Variants in SAMSN1 observed in about 807,000 individuals in gnomAD.
The protein encoded by SAMSN1 is SAM domain-containing protein SAMSN-1.
Under a neutral mutation model 42.0 loss-of-function variants are expected in SAMSN1, and 31 were observed. The observed-to-expected ratio is 0.74, with a 90% CI of 0.55 to 1.00. The LOEUF is 1.00. SAMSN1 is among the 50% of genes least tolerant of loss of function. The probability of loss-of-function intolerance (pLI) is 0.00; values close to 1 mark genes in which losing one functional copy is unlikely to be tolerated. For missense variants in SAMSN1, 464 were observed against 439.4 expected (o/e 1.06, Z -0.50); for synonymous variants, 178 against 151.9 (o/e 1.17, Z -1.26).
At chr21:14,629,666 C>T (rs972745259) in intron 2 of SAMSN1, among the ~76,000 whole-genome samples, 3 of 152,152 alleles carry the variant, frequency 2.0e-5, no homozygotes, top group Admixed American at 2.0e-4. Flanking sequence ...CTTATAGCGC[C>T]TGGAGAATGC....
chr21:14,524,231 G>T (rs560162564), intron 1 of SAMSN1, among the ~76,000 whole-genome samples: 27 of 152,208 alleles, frequency 1.8e-4, no homozygotes, highest in Middle Eastern at 3.4e-3. Context: ...AACAAAGCTT[G>T]CTTCCTAAAT....
At chr21:14,622,469 A>G (rs1412511111) in intron 2 of SAMSN1, among the ~76,000 whole-genome samples, 1 of 152,256 alleles carries the variant, frequency 6.6e-6, no homozygotes, top group Non-Finnish European at 1.5e-5. Flanking sequence ...GAACTACGTG[A>G]CGAATCCACA....
chr21:14,517,986 G>C (rs1266968105), intron 2 of SAMSN1, among the ~76,000 whole-genome samples: 1 of 152,118 alleles, frequency 6.6e-6, no homozygotes, highest in African/African-American at 2.4e-5. Flanking sequence ...TTGTGCTTTA[G>C]CAAGCTCTTC....
intron 2 of SAMSN1, among the ~76,000 whole-genome samples, chr21:14,623,924 G>C (rs956847737): frequency 6.6e-5 from 10 of 152,120 alleles, no homozygotes; most frequent in African/African-American, 1.7e-4. Context: ...ATAACAAACT[G>C]TCTCTCAGAC....
intron 7 of SAMSN1, among the ~76,000 whole-genome samples, chr21:14,491,344 G>A (rs1263367328): frequency 2.0e-5 from 3 of 151,708 alleles, no homozygotes; most frequent in Non-Finnish European, 4.4e-5. Flanking sequence ...TTGGACTCAA[G>A]CAATCCTCCT....
chr21:14,562,883 A>T (rs1347773713), intron 2 of SAMSN1, among the ~76,000 whole-genome samples: 1 of 152,154 alleles, frequency 6.6e-6, no homozygotes, highest in Non-Finnish European at 1.5e-5. Flanking sequence ...GATAATTGGT[A>T]GCTTTAATGA....
At chr21:14,542,468 A>G (rs1370088053) in intron 1 of SAMSN1, among the ~76,000 whole-genome samples, 1 of 152,242 alleles carries the variant, frequency 6.6e-6, no homozygotes, top group Non-Finnish European at 1.5e-5. Context: ...AAAATAAACC[A>G]ATGATAAATA....
At chr21:14,560,706 T>C (rs1417032042) in intron 2 of SAMSN1, among the ~76,000 whole-genome samples, 11 of 152,208 alleles carry the variant, frequency 7.2e-5, no homozygotes, top group African/African-American at 2.7e-4. Context: ...CACATTTTAG[T>C]CAGTGCCTTT....
chr21:14,582,803 T>C (rs1981785919), intron 1 of SAMSN1, among the ~76,000 whole-genome samples: 1 of 151,964 alleles, frequency 6.6e-6, no homozygotes, highest in Non-Finnish European at 1.5e-5. Context: ...AAAATACAAT[T>C]AAAAAACCCA....
At chr21:14,570,318 T>A (rs1327823620) in intron 2 of SAMSN1, among the ~76,000 whole-genome samples, 1 of 152,160 alleles carries the variant, frequency 6.6e-6, no homozygotes, top group African/African-American at 2.4e-5. Context: ...CATATGCCCC[T>A]CTAAAAGGCC....
At chr21:14,632,642 T>C (rs1274342700) in intron 2 of SAMSN1, among the ~76,000 whole-genome samples, 2 of 152,264 alleles carry the variant, frequency 1.3e-5, no homozygotes, top group Non-Finnish European at 1.5e-5. Context: ...AAAATACATG[T>C]TTATTATCTC....
At position 14,610,456 on chromosome 21, in the gene SAMSN1, A is replaced by G. The variant is rs188796957; in HGVS notation, c.236-888T>C. Reference sequence around the variant, plus strand: ...GCACATCAGGACATGGAAGTTCATTAGTGATTCTAGTTTCACCCTTAACTT... The same window carrying G: ...GCACATCAGGACATGGAAGTTCATTGGTGATTCTAGTTTCACCCTTAACTT... On this transcript the variant is annotated intron_variant, in intron 4 of 15. Coordinates refer to the SAMSN1 transcript ENST00000647101. Among the ~76,000 whole-genome samples, 108 of 152,294 alleles carry G rather than the reference A, an allele frequency of 7.1e-4. 1 individual carries two copies. Among genetic ancestry groups the G allele is most frequent in the African/African-American group, 2.5e-3 (105 of 41,564 alleles).
chr21:14,578,706 GAC>G (rs1471711181), intron 2 of SAMSN1, among the ~76,000 whole-genome samples: 42 of 7,714 alleles, frequency 5.4e-3, no homozygotes, highest in African/African-American at 0.02. Flanking sequence ...AAAAAAAAAA[GAC>G]CCCAAGATTG....
At chr21:14,634,607 A>G (rs554074065) in intron 2 of SAMSN1, among the ~76,000 whole-genome samples, 40 of 152,332 alleles carry the variant, frequency 2.6e-4, no homozygotes, top group Non-Finnish European at 5.3e-4. Flanking sequence ...AATCAAAACC[A>G]CAATGAGATA....
At chr21:14,648,575 A>G (rs1983765513) in intron 1 of SAMSN1, among the ~76,000 whole-genome samples, 1 of 152,190 alleles carries the variant, frequency 6.6e-6, no homozygotes, top group African/African-American at 2.4e-5. Flanking sequence ...ATTTACAAGA[A>G]TAAAACAAAC....
At chr21:14,606,980 A>G (rs1008111430) in intron 5 of SAMSN1, among the ~76,000 whole-genome samples, 9 of 152,224 alleles carry the variant, frequency 5.9e-5, no homozygotes, top group African/African-American at 2.2e-4. Context: ...TAATGTGTTA[A>G]TGTAGAAATA....
Position 14,485,932 on chromosome 21 carries a change from T to C in SAMSN1, c.1102A>G (p.Ile368Val), listed in dbSNP as rs777762041. ...CGTGTTCAGTCACTTGGCTCTGTGA[T>C]AATAATCTTATGTACCATGTCAGAC... Reference protein sequence around the residue: ...NLSDMVHKIIITEPSD With the variant: ...NLSDMVHKIIVTEPSD Residue 368 changes from isoleucine (I) to valine (V), a missense_variant, in exon 8 of 8, where the codon ATC becomes GTC. Coordinates refer to ENST00000400566, the MANE Select transcript of SAMSN1 (RefSeq NM_022136.5). 7 of 1,613,560 alleles carry C rather than the reference T, an allele frequency of 4.3e-6. No individual in the cohort carries two copies. The highest frequency in any genetic ancestry group is 2.2e-5 in the East Asian group (1 of 44,858).
At chr21:14,550,078 C>T (rs140192744), upstream of SAMSN1, among the ~76,000 whole-genome samples, 16 of 152,166 alleles carry the variant, frequency 1.1e-4, no homozygotes, top group East Asian at 2.9e-3. Context: ...CTCTAGTTAT[C>T]TAGCTTATTC....
At chr21:14,519,567 T>G (rs1435470220) in intron 2 of SAMSN1, among the ~76,000 whole-genome samples, 2 of 152,090 alleles carry the variant, frequency 1.3e-5, no homozygotes, top group Non-Finnish European at 2.9e-5. Flanking sequence ...TTACATTTAT[T>G]ACTTACAATT....
Sources: allele counts gnomAD v4.1 joint callset (sites outside exome capture counted in the v4.1 genomes callset), GRCh38; gene constraint gnomAD v4.1.1; transcripts MANE v1.5; gene names NCBI Gene and HGNC (gene_info 2026-07-23, HGNC 2026-07-21).